Variants in BCL2L11 observed in about 807,000 individuals in gnomAD.
The protein encoded by BCL2L11 is BCL2 like 11, also known as bcl-2-like protein 11.
In BCL2L11, 15 loss-of-function variants were observed where a neutral mutation model predicts 20.6. The observed-to-expected ratio is 0.73, with a 90% CI of 0.49 to 1.12. The LOEUF is 1.12. BCL2L11 is among the 50% of genes most tolerant of loss of function. The probability of loss-of-function intolerance (pLI) is 0.00; values close to 1 mark genes in which losing one functional copy is unlikely to be tolerated. For missense variants in BCL2L11, 292 were observed against 260.9 expected, an observed-to-expected ratio of 1.12 and a Z score of -0.82; for synonymous variants, 108 against 92.8, an observed-to-expected ratio of 1.16 and a Z score of -0.94.
At chr2:111,124,269 G>A (rs2150149454) in intron 2 of BCL2L11, 130 bp downstream of exon 2, 1 of 1,154,392 alleles carries the variant, frequency 8.7e-7, no homozygotes, top group Non-Finnish European at 1.2e-6. Flanking sequence ...TGGGAATGGA[G>A]GATGTGTCAA....
intron 3 of BCL2L11, among the ~76,000 whole-genome samples, chr2:111,153,459 A>G (rs1054130282): frequency 2.2e-4 from 33 of 152,162 alleles, no homozygotes; most frequent in African/African-American, 7.7e-4. Flanking sequence ...CCGTCTTGAT[A>G]CTTGTTAGAT....
intron 2 of BCL2L11, among the ~76,000 whole-genome samples, chr2:111,127,651 T>C (rs988338519): frequency 2.0e-5 from 3 of 152,076 alleles, no homozygotes; most frequent in African/African-American, 7.2e-5. Flanking sequence ...AAGAAAAAGA[T>C]CCTGACCTCT....
chr2:111,152,990 G>T (rs2077419902), intron 3 of BCL2L11, among the ~76,000 whole-genome samples: 1 of 152,168 alleles, frequency 6.6e-6, no homozygotes, highest in African/African-American at 2.4e-5. Flanking sequence ...TTGTTAGTAG[G>T]CTGGGATATT....
chr2:111,127,658 C>T (rs2072965821), intron 2 of BCL2L11, among the ~76,000 whole-genome samples: 1 of 152,026 alleles, frequency 6.6e-6, no homozygotes, highest in African/African-American at 2.4e-5. Flanking sequence ...AGATCCTGAC[C>T]TCTGCTCTGC....
intron 2 of BCL2L11, among the ~76,000 whole-genome samples, chr2:111,125,594 C>G (rs752706632): frequency 9.2e-5 from 14 of 152,228 alleles, no homozygotes; most frequent in Non-Finnish European, 1.8e-4. Context: ...GCTCTGTCTT[C>G]ATAGGCTTCA....
intron 2 of BCL2L11, among the ~76,000 whole-genome samples, chr2:111,133,351 C>T (rs928379751): frequency 2.0e-5 from 3 of 152,184 alleles, no homozygotes; most frequent in East Asian, 1.9e-4. Context: ...TTCTAATGTA[C>T]GCATTTATTC....
intron 2 of BCL2L11, among the ~76,000 whole-genome samples, chr2:111,146,437 G>A (rs561831605): frequency 6.6e-6 from 1 of 152,290 alleles, no homozygotes; most frequent in South Asian, 2.1e-4. Context: ...ATTGGGTTGA[G>A]TATCCAGGTA....
rs2078922669 is a variant in BCL2L11 at position 111,164,308 on chromosome 2, C to T, written c.*77C>T. 8 of 1,087,056 alleles carry T rather than the reference C, an allele frequency of 7.4e-6. No individual in the cohort carries two copies. Among genetic ancestry groups the T allele is most frequent in the South Asian group, 1.2e-5 (1 of 80,010 alleles). The allele number at this position is 1,087,056 out of a possible 1,614,324, so 67.3% of individuals were successfully genotyped here. A position where few individuals can be genotyped will look rare whatever the true frequency, so the allele number is the denominator to read the frequency against. ...CAACAAGACCCAGCACCGCGGTCTC[C>T]TGGTGCCATTATTATGCAGCCAGCG... On this transcript the variant is annotated 3_prime_UTR_variant, in exon 4 of 4. Coordinates refer to ENST00000393256, the MANE Select transcript of BCL2L11 (RefSeq NM_138621.5).
intron 3 of BCL2L11, chr2:111,151,976 TA>T: frequency 2.4e-6 from 3 of 1,242,126 alleles, no homozygotes; most frequent in South Asian, 2.6e-5. Context: ...TTGGTTTACC[TA>T]AAGGGATTTT....
rs556251702 is a variant in BCL2L11 at position 111,135,568 on chromosome 2, A to G, written c.394+11429A>G. ...GTGGGGGGGTCAGGTACAACATGCC[A>G]ACCAGGCCCACTTTCTACTACCTGA... On this transcript the variant is annotated intron_variant, in intron 2 of 3. Transcript: ENST00000393256. Among the ~76,000 whole-genome samples, 81 of 152,130 alleles carry G rather than the reference A, an allele frequency of 5.3e-4. 2 individuals are homozygous for G. In the South Asian group the frequency reaches 0.015, roughly 29 times the overall value.
chr2:111,124,123 C>T lies in BCL2L11; in HGVS notation c.378C>T (p.His126=), dbSNP rs2150144955. 6.2e-7 allele frequency: 1 copy of T among 1,611,124 alleles called. No individual in the cohort carries two copies. Among genetic ancestry groups the T allele is most frequent in the Non-Finnish European group, 8.5e-7 (1 of 1,178,716 alleles). The change falls in exon 2 of 4, where the codon CAC becomes CAT. Residue 126 remains histidine, a synonymous_variant. Coordinates refer to ENST00000393256, the MANE Select transcript of BCL2L11 (RefSeq NM_138621.5). The stretch of plus-strand genomic sequence containing the variant: ...GTCCTCCTTGCCAGGCCTTCAACCA[C>T]TATCTCAGTGCAATGGGTAAGCAAT... ...TPSPPCQAFN[H]YLSAMASMRQ...
At chr2:111,154,598 A>G (rs182782308) in intron 3 of BCL2L11, among the ~76,000 whole-genome samples, 42 of 152,324 alleles carry the variant, frequency 2.8e-4, no homozygotes, top group African/African-American at 9.1e-4. Flanking sequence ...GGAGCACTCC[A>G]GAGGTGATGT....
rs951031695 is a variant in BCL2L11 at position 111,121,174 on chromosome 2, A to G, written c.-28A>G. The G allele has an allele frequency of 4.1e-6, 1 of 241,766 alleles. No individual in the cohort carries two copies. 15.0% of individuals were successfully genotyped at this position (241,766 alleles called of 1,614,324 possible). On this transcript the variant is annotated 5_prime_UTR_variant, in exon 1 of 4. Transcript: ENST00000393256. ...CCAAATGTCTGACTCTGACTCTCGG[A>G]CTGAGAAACGCAAGGTAAATACCTC...
At chr2:111,122,604 CCGGCGGCGG>C in intron 1 of BCL2L11, 1 of 984,340 alleles carries the variant, frequency 1.0e-6, no homozygotes, top group Non-Finnish European at 1.2e-6. Context: ...GTCGGCGGTG[CCGGCGGCGG>C]CGGGCGCAGA....
intron 2 of BCL2L11, chr2:111,142,505 C>A: frequency 1.3e-6 from 1 of 798,716 alleles, no homozygotes; most frequent in South Asian, 1.6e-5. Context: ...TATCAATAAT[C>A]ATATCTGTGT....
chr2:111,121,396 C>T (rs936629120), intron 1 of BCL2L11, among the ~76,000 whole-genome samples: 3 of 152,196 alleles, frequency 2.0e-5, no homozygotes, highest in African/African-American at 7.2e-5. Flanking sequence ...GTCGTTCACG[C>T]GGAACCTGCA....
chr2:111,122,535 G>C, intron 1 of BCL2L11: 1 of 897,986 alleles, frequency 1.1e-6, no homozygotes, highest in Non-Finnish European at 1.3e-6. Flanking sequence ...CTGCGGCGCG[G>C]AGCGACCGCG....
In BCL2L11 at chr2:111,160,642, T is replaced by A. The variant is rs1021355789; in HGVS notation, c.499-3491T>A. 2.0e-5 allele frequency among the ~76,000 whole-genome samples: 3 copies of A among 152,172 alleles called. No homozygotes were observed. The South Asian group carries it at 6.2e-4, about 32-fold the overall frequency. ...AGTACCCAACTGGGTGGGGCCCTCC[T>A]CTTTGTGCACTTGTGATTGTGTGTA... On this transcript the variant is annotated intron_variant, in intron 3 of 3. Coordinates refer to ENST00000393256, the MANE Select transcript of BCL2L11 (RefSeq NM_138621.5).
chr2:111,137,674 A>G (rs2075141734), intron 2 of BCL2L11, among the ~76,000 whole-genome samples: 1 of 148,456 alleles, frequency 6.7e-6, no homozygotes, highest in African/African-American at 2.5e-5. Context: ...TAGCAGAAAC[A>G]TATATGCAAG....
Sources: allele counts gnomAD v4.1 joint callset (sites outside exome capture counted in the v4.1 genomes callset), GRCh38; gene constraint gnomAD v4.1.1; transcripts MANE v1.5; gene names NCBI Gene and HGNC (gene_info 2026-07-23, HGNC 2026-07-21).